Variants in SULF2 observed in about 807,000 individuals in gnomAD.
The protein encoded by SULF2 is extracellular sulfatase Sulf-2.
A neutral mutation model predicts 107.7 loss-of-function variants in SULF2; 52 were observed. The ratio of observed to expected loss-of-function variants is 0.48; its 90% CI spans 0.39 to 0.61. The LOEUF (loss-of-function observed/expected upper bound fraction) is 0.61, where lower values mean the gene tolerates loss of function less well. Among genes scored for constraint, SULF2 ranks in the 20% least tolerant of loss-of-function variants. The pLI is 0.00. For missense variants in SULF2, 993 were observed against 1,177.3 expected (o/e 0.84, Z 2.29); for synonymous variants, 460 against 464.3 (o/e 0.99, Z 0.12).
chr20:47,758,827 G>A (rs1175776457), intron 1 of SULF2, among the ~76,000 whole-genome samples: 1 of 152,218 alleles, frequency 6.6e-6, no homozygotes, highest in African/African-American at 2.4e-5. Flanking sequence ...AGTGCTGTGG[G>A]GGTGGCTGTG....
chr20:47,712,817 T>G (rs979595615), intron 3 of SULF2, among the ~76,000 whole-genome samples: 1 of 152,180 alleles, frequency 6.6e-6, no homozygotes, highest in African/African-American at 2.4e-5. Context: ...GCAGATTGCT[T>G]GAGCTCAGGA....
intron 8 of SULF2, 86 bp from the exon 9 acceptor site, chr20:47,677,220 G>GAGTCAGCCTTGGTTTAC: frequency 1.3e-6 from 2 of 1,483,122 alleles, no homozygotes; most frequent in South Asian, 2.3e-5. Flanking sequence ...ACGGCACCAG[G>GAGTCAGCCTTGGTTTAC]AGTCAGCCTT....
chr20:47,678,509 G>T lies in SULF2; in HGVS notation c.1193+167C>A. On this transcript the variant is annotated intron_variant, in intron 8 of 20. Coordinates refer to ENST00000688720, the MANE Select transcript of SULF2 (RefSeq NM_001387048.1). The surrounding 1 kb of genome is among the most constrained non-coding windows in gnomAD (Gnocchi z 4.5). ...ATGGGAAGACAGAATCTCGGAGAGG[G>T]GACCATGCTTCTCTCCCACAGCAGG... The T allele has an allele frequency of 2.3e-6, 2 of 871,290 alleles. No homozygotes were observed. The highest frequency in any genetic ancestry group is 3.5e-6 in the Non-Finnish European group (2 of 564,020). The allele number at this position is 871,290 out of a possible 1,614,324, so 54.0% of individuals were successfully genotyped here. A position where few individuals can be genotyped will look rare whatever the true frequency, so the allele number is the denominator to read the frequency against.
chr20:47,761,609 C>G (rs542639330), intron 1 of SULF2, among the ~76,000 whole-genome samples: 2 of 152,210 alleles, frequency 1.3e-5, no homozygotes, highest in African/African-American at 2.4e-5. Context: ...CGCGTGCCCT[C>G]GCGCTCGCAC....
Position 47,666,623 on chromosome 20 carries a change from C to T in SULF2, c.1577-135G>A, listed in dbSNP as rs577050440. The T allele has an allele frequency of 2.8e-5, 20 of 701,858 alleles. No individual in the cohort carries two copies. Among genetic ancestry groups the T allele is most frequent in the African/African-American group, 1.6e-4 (9 of 56,222 alleles). The allele number at this position is 701,858 out of a possible 1,614,324, so 43.5% of individuals were successfully genotyped here. A position where few individuals can be genotyped will look rare whatever the true frequency, so the allele number is the denominator to read the frequency against. On this transcript the variant is annotated intron_variant, in intron 11 of 20. Transcript: ENST00000688720. This position sits in a 1 kb window ranked among gnomAD's most constrained non-coding sequence, Gnocchi z 5.4. ...CAGCTTTGCCTGCGACTCGAGGGGTCGTGGAATCTACCCGCCTGCTCGCAG... is the reference window on the plus strand; with the variant it reads ...CAGCTTTGCCTGCGACTCGAGGGGTTGTGGAATCTACCCGCCTGCTCGCAG...
intron 2 of SULF2, among the ~76,000 whole-genome samples, chr20:47,744,347 T>C (rs947845575): frequency 6.6e-5 from 10 of 152,148 alleles, no homozygotes; most frequent in African/African-American, 2.4e-4. Context: ...CATGCCCAGC[T>C]ATTTTTTTTG....
chr20:47,713,779 A>T (rs2089014232), intron 3 of SULF2, among the ~76,000 whole-genome samples: 1 of 152,112 alleles, frequency 6.6e-6, no homozygotes, highest in South Asian at 2.1e-4. Flanking sequence ...AAAAACAAAA[A>T]AACAGAAACA....
chr20:47,663,361 C>T (rs1476108176), intron 16 of SULF2, 92 bp downstream of exon 16: 1 of 1,580,970 alleles, frequency 6.3e-7, no homozygotes, highest in Middle Eastern at 2.3e-4. Context: ...TGTTGGGGAC[C>T]CCCTTTCTGA....
At chr20:47,707,499 T>C in intron 3 of SULF2, among the ~76,000 whole-genome samples, 1 of 152,144 alleles carries the variant, frequency 6.6e-6, no homozygotes, top group East Asian at 1.9e-4. Context: ...ACCCAAAGTA[T>C]GCCTGCTGCG....
At chr20:47,669,052 C>T (rs879001551) in intron 11 of SULF2, among the ~76,000 whole-genome samples, 4 of 152,146 alleles carry the variant, frequency 2.6e-5, no homozygotes, top group East Asian at 1.9e-4. Context: ...GCCACCGCTG[C>T]GTCTCCTTCA....
intron 1 of SULF2, among the ~76,000 whole-genome samples, chr20:47,765,188 A>G (rs1015136748): frequency 6.6e-6 from 1 of 151,424 alleles, no homozygotes; most frequent in African/African-American, 2.4e-5. Flanking sequence ...CGTCTCTACT[A>G]AAAAAAATAC....
At chr20:47,758,070 A>G (rs2090335274) in intron 1 of SULF2, among the ~76,000 whole-genome samples, 1 of 151,730 alleles carries the variant, frequency 6.6e-6, no homozygotes, top group Non-Finnish European at 1.5e-5. Context: ...GAACAAAATG[A>G]GTAGACAGGG....
intron 11 of SULF2, among the ~76,000 whole-genome samples, chr20:47,670,087 C>T (rs1417725389): frequency 6.6e-6 from 1 of 152,210 alleles, no homozygotes; most frequent in Non-Finnish European, 1.5e-5. Flanking sequence ...ACGATGAAGA[C>T]ATTTGCTGCC....
At chr20:47,764,206 A>G in intron 1 of SULF2, among the ~76,000 whole-genome samples, 1 of 152,182 alleles carries the variant, frequency 6.6e-6, no homozygotes, top group East Asian at 1.9e-4. Context: ...CCCCAGTAGC[A>G]CTTACCACCT....
chr20:47,741,623 A>G (rs1439902962), intron 2 of SULF2, among the ~76,000 whole-genome samples: 2 of 152,200 alleles, frequency 1.3e-5, no homozygotes, highest in African/African-American at 4.8e-5. Context: ...GTGGGTGCTC[A>G]TAAATATTTC....
intron 3 of SULF2, among the ~76,000 whole-genome samples, chr20:47,720,261 A>T (rs1398649143): frequency 6.6e-6 from 1 of 151,372 alleles, no homozygotes; most frequent in African/African-American, 2.4e-5. Flanking sequence ...CCTTTATTTT[A>T]TTTTATTTTT....
Position 47,677,658 on chromosome 20 carries a change from A to G in SULF2, c.1194-524T>C, listed in dbSNP as rs571008356. On this transcript the variant is annotated intron_variant, in intron 8 of 20. Coordinates refer to ENST00000688720, the MANE Select transcript of SULF2 (RefSeq NM_001387048.1). ...TTCTTCTTTGGTGCTTTGCAGTTGC[A>G]TGTATGTAATTTGTATGTTTCATCC... Among the ~76,000 whole-genome samples the G allele has an allele frequency of 5.9e-5, 9 of 152,280 alleles. No homozygotes were observed. The South Asian group carries it at 1.9e-3, about 32-fold the overall frequency.
chr20:47,722,268 T>C (rs2089316376), intron 3 of SULF2, among the ~76,000 whole-genome samples: 1 of 151,960 alleles, frequency 6.6e-6, no homozygotes, highest in Non-Finnish European at 1.5e-5. Flanking sequence ...ATCTGTTCAT[T>C]TTTTTTATTC....
At position 47,746,307 on chromosome 20, in the gene SULF2, G is replaced by A. The variant is rs6090726; in HGVS notation, c.176-9365C>T. 6.8e-3 allele frequency among the ~76,000 whole-genome samples: 1,029 copies of A among 152,356 alleles called. 11 individuals are homozygous for A. The highest frequency in any genetic ancestry group is 0.024 in the African/African-American group (990 of 41,588). On this transcript the variant is annotated intron_variant, in intron 2 of 20. Transcript: ENST00000688720. ...AGGCTGTGGGGTCAGGTACAGGTTG[G>A]AACAGAGTCTTGACCTGGACAGGTG...
Sources: gnomAD v4.1 joint callset for allele counts (sites outside exome capture counted in the v4.1 genomes callset) on GRCh38, gnomAD v4.1.1 for gene constraint, Gnocchi (gnomAD v3.1) non-coding constraint, MANE v1.5 for transcripts, NCBI Gene and HGNC (gene_info 2026-07-23, HGNC 2026-07-21) for gene names.